The following GRM7 variants were observed in gnomAD, a reference collection of about 807,000 sequenced individuals.
The protein encoded by GRM7 is glutamate metabotropic receptor 7.
A neutral mutation model predicts 84.5 loss-of-function variants in GRM7; 35 were observed. The observed-to-expected ratio is 0.41, with a 90% CI of 0.32 to 0.55. The LOEUF is 0.55. Among genes scored for constraint, GRM7 ranks in the 20% least tolerant of loss-of-function variants. The probability of loss-of-function intolerance (pLI) is 0.19; values close to 1 mark genes in which losing one functional copy is unlikely to be tolerated. For missense variants in GRM7, 1,003 were observed against 1,194.6 expected (o/e 0.84, Z 2.36); for synonymous variants, 487 against 455.1 (o/e 1.07, Z -0.89).
In GRM7 at chr3:6,865,599, C is replaced by G. The variant is rs551699464; in HGVS notation, c.519+3692C>G. Among the ~76,000 whole-genome samples the G allele has an allele frequency of 1.3e-5, 2 of 151,158 alleles. 1 individual carries two copies. Among genetic ancestry groups the G allele is most frequent in the South Asian group, 4.2e-4 (2 of 4,812 alleles). On this transcript the variant is annotated intron_variant, in intron 1 of 9. Transcript: ENST00000357716. Reference sequence around the variant, plus strand: ...AAGTAGATGGAAAAAGCGGTCAACTCTACCCTTGTCGGAGCATAATGCAAA... The same window carrying G: ...AAGTAGATGGAAAAAGCGGTCAACTGTACCCTTGTCGGAGCATAATGCAAA...
chr3:7,393,909 T>C (rs893781772), intron 4 of GRM7, among the ~76,000 whole-genome samples: 37 of 152,280 alleles, frequency 2.4e-4, no homozygotes, highest in African/African-American at 7.7e-4. Context: ...AGATTCTTGT[T>C]GAAGTGGTAG....
At position 7,175,407 on chromosome 3, in the gene GRM7, C is replaced by T. The variant is rs961235696; in HGVS notation, c.736+28739C>T. 2.4e-4 allele frequency among the ~76,000 whole-genome samples: 37 copies of T among 152,296 alleles called. 3 individuals are homozygous for T. Among genetic ancestry groups the T allele is most frequent in the Admixed American group, 1.4e-3 (22 of 15,294 alleles). On this transcript the variant is annotated intron_variant, in intron 2 of 9. Transcript: ENST00000357716. ...ACTCCATTGTCATGTCTCCATGAAA[C>T]AAAGACTTTGTTTAGAATGTGGAAG...
intron 1 of GRM7, among the ~76,000 whole-genome samples, chr3:7,051,022 A>G (rs751161164): frequency 2.5e-4 from 38 of 151,832 alleles, no homozygotes; most frequent in Non-Finnish European, 5.0e-4. Flanking sequence ...TTTTTAATTT[A>G]TATTTTAAAA....
chr3:7,025,199 T>G (rs1695936486), intron 1 of GRM7, among the ~76,000 whole-genome samples: 1 of 152,188 alleles, frequency 6.6e-6, no homozygotes, highest in Non-Finnish European at 1.5e-5. Context: ...AGATGGATCA[T>G]CTAGAATAAT....
intron 4 of GRM7, among the ~76,000 whole-genome samples, chr3:7,370,371 T>C (rs1694080873): frequency 6.6e-6 from 1 of 152,112 alleles, no homozygotes; most frequent in Non-Finnish European, 1.5e-5. Context: ...TATGATTTCG[T>C]AGTGTCTTCA....
intron 6 of GRM7, among the ~76,000 whole-genome samples, chr3:7,456,685 T>TTC (rs879355869): frequency 5.7e-5 from 5 of 87,390 alleles, no homozygotes; most frequent in Non-Finnish European, 1.2e-4. Context: ...AGGGCTAATT[T>TTC]TCTCTCTCTC....
chr3:7,499,683 C>A (rs1187126878), intron 7 of GRM7, among the ~76,000 whole-genome samples: 1 of 152,022 alleles, frequency 6.6e-6, no homozygotes, highest in African/African-American at 2.4e-5. Flanking sequence ...AAGTTCAACT[C>A]TTGAACACTC....
At chr3:7,322,159 A>G (rs1485410021) in intron 4 of GRM7, among the ~76,000 whole-genome samples, 1 of 152,148 alleles carries the variant, frequency 6.6e-6, no homozygotes, top group Non-Finnish European at 1.5e-5. Flanking sequence ...AATGTTAATG[A>G]TGACAATAGC....
intron 4 of GRM7, among the ~76,000 whole-genome samples, chr3:7,395,068 A>G (rs1409806347): frequency 2.0e-5 from 3 of 151,622 alleles, no homozygotes; most frequent in Admixed American, 6.6e-5. Flanking sequence ...TTATAAGCGT[A>G]TCTTATAACT....
intron 1 of GRM7, among the ~76,000 whole-genome samples, chr3:6,943,075 C>A (rs755792103): frequency 2.0e-4 from 31 of 152,016 alleles, no homozygotes; most frequent in Non-Finnish European, 4.0e-4. Flanking sequence ...TCCTTATTGT[C>A]AAGTTTTTAA....
chr3:7,335,979 T>A (rs1226867134), intron 4 of GRM7, among the ~76,000 whole-genome samples: 1 of 151,960 alleles, frequency 6.6e-6, no homozygotes, highest in African/African-American at 2.4e-5. Context: ...CATTCAAAGA[T>A]GAATTGGTAC....
chr3:7,317,163 T>C (rs1025890053), intron 4 of GRM7, among the ~76,000 whole-genome samples: 3 of 152,148 alleles, frequency 2.0e-5, no homozygotes, highest in Non-Finnish European at 4.4e-5. Flanking sequence ...CATAGACTTA[T>C]TGCGTCTGAG....
At chr3:7,288,557 C>G (rs1469330001) in intron 2 of GRM7, among the ~76,000 whole-genome samples, 3 of 152,092 alleles carry the variant, frequency 2.0e-5, no homozygotes, top group Non-Finnish European at 4.4e-5. Context: ...GTAAAGTGGA[C>G]CCATACCCCC....
intron 2 of GRM7, among the ~76,000 whole-genome samples, chr3:7,178,745 G>C (rs1695238531): frequency 6.6e-6 from 1 of 151,970 alleles, no homozygotes; most frequent in Non-Finnish European, 1.5e-5. Flanking sequence ...TGATAAACCA[G>C]ATAAGTATGT....
At chr3:7,205,825 G>A (rs367686006) in intron 2 of GRM7, among the ~76,000 whole-genome samples, 15 of 152,138 alleles carry the variant, frequency 9.9e-5, no homozygotes, top group Admixed American at 7.2e-4. Flanking sequence ...TATGCTAATC[G>A]TAACCACATG....
At chr3:7,259,019 C>G (rs1214161649) in intron 2 of GRM7, among the ~76,000 whole-genome samples, 1 of 152,234 alleles carries the variant, frequency 6.6e-6, no homozygotes, top group East Asian at 1.9e-4. Flanking sequence ...AATTAATGCA[C>G]TGGCATTGGC....
chr3:7,273,699 G>A (rs1698949206), intron 2 of GRM7, among the ~76,000 whole-genome samples: 1 of 151,892 alleles, frequency 6.6e-6, no homozygotes. Flanking sequence ...TGTTAGTATG[G>A]TATATCTTTC....
At chr3:7,446,590 T>G (rs961652751) in intron 5 of GRM7, among the ~76,000 whole-genome samples, 1 of 151,630 alleles carries the variant, frequency 6.6e-6, no homozygotes, top group South Asian at 2.1e-4. Flanking sequence ...GCCTCTCGAG[T>G]AGCTGGGATT....
Position 7,668,319 on chromosome 3 carries a change from C to A in GRM7, c.2452-11730C>A, listed in dbSNP as rs1388917183. ...AAATGGAATCTCTATCTTTGTGTGT[C>A]CAAGACTTCCTTATTTAACATCACC... is the stretch of plus-strand genomic sequence containing the variant. On this transcript the variant is annotated intron_variant, in intron 8 of 9. Transcript: ENST00000357716. Among the ~76,000 whole-genome samples, 4 of 152,148 alleles carry A rather than the reference C, an allele frequency of 2.6e-5. No homozygotes were observed. The East Asian group carries it at 7.7e-4, about 29-fold the overall frequency.
Sources: gnomAD v4.1 joint callset for allele counts (sites outside exome capture counted in the v4.1 genomes callset) on GRCh38, gnomAD v4.1.1 for gene constraint, MANE v1.5 for transcripts, NCBI Gene and HGNC (gene_info 2026-07-23, HGNC 2026-07-21) for gene names.